Variants in CACNA1H observed in about 807,000 individuals in gnomAD.
The protein encoded by CACNA1H is calcium voltage-gated channel subunit alpha1 H, also known as voltage-dependent T-type calcium channel subunit alpha-1H.
Under a neutral mutation model 192.5 loss-of-function variants are expected in CACNA1H, and 149 were observed. The observed-to-expected ratio is 0.77, with a 90% CI of 0.68 to 0.89. CACNA1H has a LOEUF of 0.89. Ranked by LOEUF, CACNA1H falls within the 40% of genes least tolerant of loss-of-function variation. The pLI is 0.00. For synonymous variants in CACNA1H, 2,202 were observed against 1,475.2 expected (o/e 1.49, Z -11.29); for missense variants, 4,257 against 3,423.5 (o/e 1.24, Z -6.08).
chr16:1,215,569 C>T lies in CACNA1H; in HGVS notation c.5220C>T (p.Asp1740=), dbSNP rs1168201478. ...CTACGGGCATGCGCGCCCTGCTGGA[C>T]ACTGTGGTGCAAGCTCTCCCCCAGG... ...KMATGMRALL[D]TVVQALPQVG... The change falls in exon 30 of 35, where the codon GAC becomes GAT. Residue 1740 remains aspartate, a synonymous_variant. Transcript: ENST00000348261. 2.5e-6 allele frequency: 4 copies of T among 1,611,642 alleles called. No individual in the cohort carries two copies. Among genetic ancestry groups the T allele is most frequent in the Non-Finnish European group, 3.4e-6 (4 of 1,179,546 alleles).
intron 2 of CACNA1H, among the ~76,000 whole-genome samples, chr16:1,171,061 C>A (rs1433445167): frequency 6.6e-6 from 1 of 152,176 alleles, no homozygotes; most frequent in African/African-American, 2.4e-5. Context: ...TCTTCCTGCA[C>A]ACCCTTGGCT....
In CACNA1H at chr16:1,210,781, C is replaced by T; in HGVS notation, c.4039-6C>T. 1 of 1,599,874 alleles carries T rather than the reference C, an allele frequency of 6.3e-7. No homozygotes were observed. The highest frequency in any genetic ancestry group is 8.5e-7 in the Non-Finnish European group (1 of 1,179,506). Reference sequence around the variant, plus strand: ...GCCTGAGCTCAGTGCCATTGGCCCTCCGCAGGTGGTGGCCCTGGGGCTGCT... The same window carrying T: ...GCCTGAGCTCAGTGCCATTGGCCCTTCGCAGGTGGTGGCCCTGGGGCTGCT... On this transcript the variant is annotated splice_region_variant and splice_polypyrimidine_tract_variant and intron_variant, in intron 20 of 34. Coordinates refer to ENST00000348261, the MANE Select transcript of CACNA1H (RefSeq NM_021098.3).
rs763629044 is a variant in CACNA1H, at chr16:1,211,707, G to C, written c.4477-9G>C. 6.2e-7 allele frequency: 1 copy of C among 1,612,484 alleles called. No individual in the cohort carries two copies. The highest frequency in any genetic ancestry group is 1.7e-5 in the Admixed American group (1 of 60,024). On this transcript the variant is annotated splice_polypyrimidine_tract_variant and intron_variant, in intron 23 of 34. Coordinates refer to ENST00000348261, the MANE Select transcript of CACNA1H (RefSeq NM_021098.3). ...AACCCTCGCCAGTGACCCTGGCTCT[G>C]GCCCTCAGGCCCTGATGTCGCTGTT...
At chr16:1,179,838 G>A (rs1174985615) in intron 2 of CACNA1H, among the ~76,000 whole-genome samples, 1 of 150,162 alleles carries the variant, frequency 6.7e-6, no homozygotes, top group African/African-American at 2.5e-5. Context: ...GTGTTCAAGC[G>A]ATTCTCCTGC....
chr16:1,158,739 C>T (rs994814920), intron 2 of CACNA1H, among the ~76,000 whole-genome samples: 1 of 152,176 alleles, frequency 6.6e-6, no homozygotes, highest in Non-Finnish European at 1.5e-5. Context: ...GACCTTGGTG[C>T]TCTTGGGAAC....
At position 1,167,853 on chromosome 16, in the gene CACNA1H, C is replaced by T. The variant is rs374394472; in HGVS notation, c.299+13817C>T. On this transcript the variant is annotated intron_variant, in intron 2 of 34. Transcript: ENST00000348261. The surrounding 1 kb of genome is among the most constrained non-coding windows in gnomAD (Gnocchi z 4.2). ...GAGGTTGGGGCGTGGCCTGGCCGTC[C>T]GTCCGCGGGGCCCGGGCTGCCCATG... Among the ~76,000 whole-genome samples the T allele has an allele frequency of 2.0e-5, 3 of 152,274 alleles. No homozygotes were observed. The highest frequency in any genetic ancestry group is 4.8e-5 in the African/African-American group (2 of 41,570).
chr16:1,203,905 C>CT, intron 9 of CACNA1H, 105 bp from the exon 10 acceptor site: 1 of 794,240 alleles, frequency 1.3e-6, no homozygotes, highest in Non-Finnish European at 1.9e-6. Context: ...ATGGATCTTT[C>CT]TGGGGGGGAC....
chr16:1,215,483 G>T, intron 29 of CACNA1H, 40 bp from the exon 30 acceptor site: 1 of 1,602,292 alleles, frequency 6.2e-7, no homozygotes, highest in African/African-American at 1.3e-5. Context: ...CAGCAGGGAG[G>T]GTCCGCCCAG....
intron 2 of CACNA1H, among the ~76,000 whole-genome samples, chr16:1,182,960 G>A (rs922060798): frequency 3.7e-4 from 56 of 152,098 alleles, no homozygotes; most frequent in African/African-American, 1.3e-3. Flanking sequence ...GTTCTCAGGA[G>A]GGCAAGCCCA....
chr16:1,202,538 T>C (rs1303134106), intron 9 of CACNA1H, 86 bp downstream of exon 9: 8 of 1,175,570 alleles, frequency 6.8e-6, no homozygotes, highest in Non-Finnish European at 9.3e-6. Flanking sequence ...CCCACACCCA[T>C]TGTGGGCACT....
intron 9 of CACNA1H, among the ~76,000 whole-genome samples, chr16:1,202,961 C>T (rs932135787): frequency 6.6e-6 from 1 of 152,032 alleles, no homozygotes; most frequent in Non-Finnish European, 1.5e-5. Context: ...GGGCCTGGGC[C>T]TCTGTCCACC....
intron 2 of CACNA1H, among the ~76,000 whole-genome samples, chr16:1,161,447 G>A (rs1238725440): frequency 1.3e-5 from 2 of 152,230 alleles, no homozygotes; most frequent in Non-Finnish European, 2.9e-5. Flanking sequence ...TGAGGACTGA[G>A]GTGGGGATAC....
rs370513262 is a variant in CACNA1H, at chr16:1,212,533, C to T, written c.4777+5C>T. On this transcript the variant is annotated splice_donor_5th_base_variant and intron_variant, in intron 26 of 34. Coordinates refer to ENST00000348261, the MANE Select transcript of CACNA1H (RefSeq NM_021098.3). Reference sequence around the variant, plus strand: ...CAGGCACTTTCCCCAGCCCAGGTACCGGCCCTGTCCCGCATGCCTCAGGCC... The same window carrying T: ...CAGGCACTTTCCCCAGCCCAGGTACTGGCCCTGTCCCGCATGCCTCAGGCC... 101 of 1,610,534 alleles carry T rather than the reference C, an allele frequency of 6.3e-5. No homozygotes were observed. Among genetic ancestry groups the T allele is most frequent in the African/African-American group, 4.8e-4 (36 of 74,990 alleles).
Position 1,180,236 on chromosome 16 carries a change from C to T in CACNA1H, c.300-14736C>T, listed in dbSNP as rs980951692. Among the ~76,000 whole-genome samples, 6 of 152,170 alleles carry T rather than the reference C, an allele frequency of 3.9e-5. No individual in the cohort carries two copies. The highest frequency in any genetic ancestry group is 5.9e-5 in the Non-Finnish European group (4 of 68,036). ...TGCGTCCGCATTGCAGAACACGGGGCGTTGCAGGCCGGAGCTGGGTTTTCA... is the reference window on the plus strand; with the variant it reads ...TGCGTCCGCATTGCAGAACACGGGGTGTTGCAGGCCGGAGCTGGGTTTTCA... On this transcript the variant is annotated intron_variant, in intron 2 of 34. Coordinates refer to ENST00000348261, the MANE Select transcript of CACNA1H (RefSeq NM_021098.3). The surrounding 1 kb of genome is among the most constrained non-coding windows in gnomAD (Gnocchi z 4.4).
chr16:1,217,553 G>A lies in CACNA1H; in HGVS notation c.5324-366G>A, dbSNP rs528736097. On this transcript the variant is annotated intron_variant, in intron 31 of 34. Transcript: ENST00000348261. ...GCCCTCCCCCGGGCCCTGTCCCGAC[G>A]GTGGGTGTGGCGTTGCCACAGTCCA... 2.6e-5 allele frequency among the ~76,000 whole-genome samples: 4 copies of A among 152,338 alleles called. No homozygotes were observed. In the East Asian group the frequency reaches 5.8e-4, roughly 22 times the overall value.
Position 1,217,995 on chromosome 16 carries a change from G to T in CACNA1H, c.5400G>T (p.Thr1800=). The change falls in exon 32 of 35, where the codon ACG becomes ACT. Residue 1800 remains threonine, a synonymous_variant. Transcript: ENST00000348261. ...GCAACTTCGGCATGGCCTTCCTCAC[G>T]CTGTTCCGCGTGTCCACGGGGGACA... The part of the protein sequence containing the change: ...TFSNFGMAFL[T]LFRVSTGDNW... 6.2e-7 allele frequency: 1 copy of T among 1,602,768 alleles called. No homozygotes were observed. Among genetic ancestry groups the T allele is most frequent in the Admixed American group, 1.7e-5 (1 of 58,866 alleles).
intron 14 of CACNA1H, 77 bp from the exon 15 acceptor site, chr16:1,207,693 G>C: frequency 1.5e-6 from 2 of 1,327,122 alleles, no homozygotes; most frequent in Middle Eastern, 1.8e-4. Flanking sequence ...TCCCAGGCCA[G>C]CCCAGACTTC....
chr16:1,208,129 T>C lies in CACNA1H; in HGVS notation c.3271T>C (p.Ser1091Pro), dbSNP rs1441295523. Residue 1091 changes from serine to proline, a missense_variant, in exon 16 of 35, where the codon TCA becomes CCA. By Grantham distance (74) the Ser-to-Pro change is moderately conservative. Coordinates refer to ENST00000348261, the MANE Select transcript of CACNA1H (RefSeq NM_021098.3). Reference protein sequence around the residue: ...AATPMPTPKSSPFLDAAPSLP... With the variant: ...AATPMPTPKSPPFLDAAPSLP... ...CACGCCCATGCCTACCCCCAAGAGC[T>C]CACCATTCCTGGATGCAGCCCCCAG... The C allele has an allele frequency of 5.7e-6, 9 of 1,591,438 alleles. No individual in the cohort carries two copies. The highest frequency in any genetic ancestry group is 6.8e-6 in the Non-Finnish European group (8 of 1,170,490).
chr16:1,201,454 C>T (rs1369042415), intron 8 of CACNA1H, among the ~76,000 whole-genome samples: 1 of 152,144 alleles, frequency 6.6e-6, no homozygotes, highest in South Asian at 2.1e-4. Context: ...GTCTTTTGTC[C>T]AGATAGGCAC....
Sources: gnomAD v4.1 joint callset for allele counts (sites outside exome capture counted in the v4.1 genomes callset) on GRCh38, gnomAD v4.1.1 for gene constraint, Gnocchi (gnomAD v3.1) non-coding constraint, MANE v1.5 for transcripts, NCBI Gene and HGNC (gene_info 2026-07-23, HGNC 2026-07-21) for gene names.